The following SLC44A1 variants were observed in gnomAD, a reference collection of about 807,000 sequenced individuals.
The protein encoded by SLC44A1 is solute carrier family 44 member 1, also known as choline transporter-like protein 1.
In SLC44A1, 26 loss-of-function variants were observed where a neutral mutation model predicts 79.3. The observed-to-expected ratio is 0.33, with a 90% CI of 0.24 to 0.46. The LOEUF is 0.46. Ranked by LOEUF, SLC44A1 falls within the 20% of genes least tolerant of loss-of-function variation. The probability of loss-of-function intolerance (pLI) is 1.00; values close to 1 mark genes in which losing one functional copy is unlikely to be tolerated. For missense variants in SLC44A1, 688 were observed against 798.1 expected, an observed-to-expected ratio of 0.86 and a Z score of 1.66; for synonymous variants, 263 against 286.2, an observed-to-expected ratio of 0.92 and a Z score of 0.82.
intron 13 of SLC44A1, among the ~76,000 whole-genome samples, chr9:105,377,291 G>C (rs1051544575): frequency 2.0e-5 from 3 of 152,132 alleles, no homozygotes; most frequent in East Asian, 1.9e-4. Flanking sequence ...GGCTTTAGTA[G>C]TGTTTAAAAA....
intron 1 of SLC44A1, among the ~76,000 whole-genome samples, chr9:105,247,789 TCTGG>T (rs1418265352): frequency 6.6e-6 from 1 of 152,242 alleles, no homozygotes; most frequent in Non-Finnish European, 1.5e-5. Context: ...TATTTGAACC[TCTGG>T]CTGGCAAGTG....
At chr9:105,259,639 T>C (rs909758609) in intron 1 of SLC44A1, among the ~76,000 whole-genome samples, 1 of 152,232 alleles carries the variant, frequency 6.6e-6, no homozygotes, top group East Asian at 1.9e-4. Context: ...TGTGGTTTTG[T>C]ATTTTCATGA....
chr9:105,316,634 A>C (rs1831334405), intron 3 of SLC44A1, among the ~76,000 whole-genome samples: 1 of 152,212 alleles, frequency 6.6e-6, no homozygotes, highest in East Asian at 1.9e-4. Flanking sequence ...AAGACCTTGC[A>C]TTCTAGTGGG....
chr9:105,314,050 G>C (rs1255628154), intron 3 of SLC44A1, among the ~76,000 whole-genome samples: 1 of 152,070 alleles, frequency 6.6e-6, no homozygotes, highest in Non-Finnish European at 1.5e-5. Flanking sequence ...AGGCGTGCAC[G>C]ACTGCGCCCA....
chr9:105,381,190 T>A (rs1828452252), intron 13 of SLC44A1, among the ~76,000 whole-genome samples: 1 of 151,944 alleles, frequency 6.6e-6, no homozygotes, highest in Non-Finnish European at 1.5e-5. Context: ...ATGTGCAAGA[T>A]TTGGAGAGTA....
Position 105,390,017 on chromosome 9 carries a change from C to T in SLC44A1, c.*961C>T, listed in dbSNP as rs182598884. 35 of 1,372,096 alleles carry T rather than the reference C, an allele frequency of 2.6e-5. No individual in the cohort carries two copies. Among genetic ancestry groups the T allele is most frequent in the African/African-American group, 4.4e-5 (3 of 67,778 alleles). The allele number at this position is 1,372,096 out of a possible 1,614,324, so 85.0% of individuals were successfully genotyped here. A position where few individuals can be genotyped will look rare whatever the true frequency, so the allele number is the denominator to read the frequency against. Reference sequence around the variant, plus strand: ...GTAACGTCAGTGGCTTAGGGTTAAACGGCCATTTTATTCAAATGCTTGCTA... The same window carrying T: ...GTAACGTCAGTGGCTTAGGGTTAAATGGCCATTTTATTCAAATGCTTGCTA... On this transcript the variant is annotated 3_prime_UTR_variant, in exon 16 of 16. Coordinates refer to ENST00000374720, the MANE Select transcript of SLC44A1 (RefSeq NM_080546.5).
At chr9:105,343,874 A>G (rs972047409) in intron 4 of SLC44A1, among the ~76,000 whole-genome samples, 7 of 152,182 alleles carry the variant, frequency 4.6e-5, no homozygotes, top group African/African-American at 1.7e-4. Context: ...CTCAGCAAAT[A>G]TTTATTATGT....
At chr9:105,305,936 A>G (rs1353130406) in intron 2 of SLC44A1, among the ~76,000 whole-genome samples, 1 of 151,716 alleles carries the variant, frequency 6.6e-6, no homozygotes, top group Non-Finnish European at 1.5e-5. Flanking sequence ...TATGAAGGGA[A>G]AATGAGCACA....
chr9:105,389,798 C>T lies in SLC44A1; in HGVS notation c.*742C>T. The T allele has an allele frequency of 2.3e-6, 3 of 1,332,766 alleles. No individual in the cohort carries two copies. The highest frequency in any genetic ancestry group is 4.6e-5 in the South Asian group (2 of 43,136). 82.6% of individuals were successfully genotyped at this position (1,332,766 alleles called of 1,614,324 possible). On this transcript the variant is annotated 3_prime_UTR_variant, in exon 16 of 16. Coordinates refer to ENST00000374720, the MANE Select transcript of SLC44A1 (RefSeq NM_080546.5). ...TTCCCTTATATTTTGTCTTTCTTTC[C>T]TTTTTGACTTTAGTAGCATCCTCCA...
At chr9:105,276,614 G>GTGTGTGTGTGTGTA (rs1830212246) in intron 1 of SLC44A1, among the ~76,000 whole-genome samples, 1 of 136,046 alleles carries the variant, frequency 7.4e-6, no homozygotes, top group Non-Finnish European at 1.6e-5. Flanking sequence ...GTGTGTGTGT[G>GTGTGTGTGTGTGTA]TGTGTATGTG....
At position 105,351,582 on chromosome 9, in the gene SLC44A1, G is replaced by A. The variant is rs1273112508; in HGVS notation, c.500+3131G>A. Among the ~76,000 whole-genome samples, 520 of 109,812 alleles carry A rather than the reference G, an allele frequency of 4.7e-3. 18 individuals carry two copies. Among genetic ancestry groups the A allele is most frequent in the African/African-American group, 0.018 (479 of 25,938 alleles). The allele number at this position is 109,812 out of a possible 152,430, so 72.0% of individuals were successfully genotyped here. A position where few individuals can be genotyped will look rare whatever the true frequency, so the allele number is the denominator to read the frequency against. Reference sequence around the variant, plus strand: ...AGAGAAAGAGAGAAAGAGAGAAAGAGAGAAAGAGAGAAAGAGAAAGAAAGA... The same window carrying A: ...AGAGAAAGAGAGAAAGAGAGAAAGAAAGAAAGAGAGAAAGAGAAAGAAAGA... On this transcript the variant is annotated intron_variant, in intron 5 of 15. Coordinates refer to ENST00000374720, the MANE Select transcript of SLC44A1 (RefSeq NM_080546.5).
chr9:105,344,140 TTTC>T (rs1480150179), intron 4 of SLC44A1, among the ~76,000 whole-genome samples: 4 of 152,214 alleles, frequency 2.6e-5, no homozygotes, highest in African/African-American at 9.6e-5. Flanking sequence ...ATTGAGAGAC[TTTC>T]TTATTAATTG....
At chr9:105,385,336 C>A in intron 14 of SLC44A1, 86 bp from the exon 15 acceptor site, 1 of 967,304 alleles carries the variant, frequency 1.0e-6, no homozygotes, top group South Asian at 1.5e-5. Context: ...AAGATTGAGT[C>A]AAAAATGTAG....
intron 15 of SLC44A1, among the ~76,000 whole-genome samples, chr9:105,414,387 T>A (rs1049013392): frequency 6.6e-6 from 1 of 152,192 alleles, no homozygotes; most frequent in Non-Finnish European, 1.5e-5. Context: ...TAGTCTGCAT[T>A]TGGATCGATG....
At chr9:105,425,691 C>G (rs1448801608) in intron 15 of SLC44A1, among the ~76,000 whole-genome samples, 1 of 152,034 alleles carries the variant, frequency 6.6e-6, no homozygotes, top group Non-Finnish European at 1.5e-5. Context: ...GGCGTGATGG[C>G]GGGTGCCTGT....
chr9:105,358,491 T>C (rs1021597129), intron 7 of SLC44A1, 58 bp downstream of exon 7: 13 of 876,418 alleles, frequency 1.5e-5, no homozygotes, highest in Non-Finnish European at 2.3e-5. Context: ...TGGTAGAAAA[T>C]AGAAATATAA....
chr9:105,253,456 G>C (rs947907891), intron 1 of SLC44A1, among the ~76,000 whole-genome samples: 8 of 152,164 alleles, frequency 5.3e-5, no homozygotes, highest in Non-Finnish European at 8.8e-5. Context: ...GGCTGGGTTT[G>C]GTGGCTCACA....
intron 3 of SLC44A1, among the ~76,000 whole-genome samples, chr9:105,328,174 A>G (rs1826640780): frequency 6.6e-6 from 1 of 152,174 alleles, no homozygotes; most frequent in African/African-American, 2.4e-5. Flanking sequence ...GGATGTAGGG[A>G]TGAATTAAGC....
chr9:105,412,915 C>G (rs113489877), intron 15 of SLC44A1, among the ~76,000 whole-genome samples: 250 of 152,118 alleles, frequency 1.6e-3, no homozygotes, highest in Non-Finnish European at 3.2e-3. Context: ...CTCTGCATTA[C>G]TTTTTATAGG....
Sources: gnomAD v4.1 joint callset for allele counts (sites outside exome capture counted in the v4.1 genomes callset) on GRCh38, gnomAD v4.1.1 for gene constraint, MANE v1.5 for transcripts, NCBI Gene and HGNC (gene_info 2026-07-23, HGNC 2026-07-21) for gene names.